The following PTPRD variants were observed in gnomAD, a reference collection of about 807,000 sequenced individuals.
PTPRD encodes the protein protein tyrosine phosphatase receptor type D.
A neutral mutation model predicts 214.5 loss-of-function variants in PTPRD; 34 were observed. The observed-to-expected ratio is 0.16, with a 90% CI of 0.12 to 0.21. PTPRD has a LOEUF of 0.21. Ranked by LOEUF, PTPRD falls within the 10% of genes least tolerant of loss-of-function variation. The probability of loss-of-function intolerance (pLI) is 1.00; values close to 1 mark genes in which losing one functional copy is unlikely to be tolerated. For missense variants in PTPRD, 2,545 were observed against 2,398.7 expected, an observed-to-expected ratio of 1.06 and a Z score of -1.27; for synonymous variants, 1,128 against 845.7, an observed-to-expected ratio of 1.33 and a Z score of -5.79.
chr9:8,547,572 G>A (rs541260166), intron 14 of PTPRD, among the ~76,000 whole-genome samples: 1 of 151,554 alleles, frequency 6.6e-6, no homozygotes, highest in South Asian at 2.1e-4. Flanking sequence ...GGGCCCAGGA[G>A]GTTGAGGCTA....
At position 9,251,017 on chromosome 9, in the gene PTPRD, T is replaced by G. The variant is rs62532748; in HGVS notation, c.-202-67654A>C. Among the ~76,000 whole-genome samples the G allele has an allele frequency of 3.2e-3, 488 of 152,180 alleles. 2 individuals carry two copies. Among genetic ancestry groups the G allele is most frequent in the Non-Finnish European group, 5.0e-3 (340 of 67,984 alleles). ...ATTACATTTGAAATTGACCCTCTTT[T>G]CCATTCCTTCACCATGTTCGCACAC... On this transcript the variant is annotated intron_variant, in intron 9 of 45. Transcript: ENST00000381196.
At chr9:8,640,817 T>C (rs1773562801) in intron 12 of PTPRD, among the ~76,000 whole-genome samples, 1 of 152,184 alleles carries the variant, frequency 6.6e-6, no homozygotes, top group South Asian at 2.1e-4. Flanking sequence ...AAAGGATATA[T>C]GTCATCATCC....
chr9:8,700,378 A>G (rs919626166), intron 12 of PTPRD, among the ~76,000 whole-genome samples: 3 of 152,170 alleles, frequency 2.0e-5, no homozygotes. Flanking sequence ...TTGTCAAACA[A>G]CTGCTTTATC....
At chr9:8,376,873 T>C (rs2083410783) in intron 37 of PTPRD, 147 bp from the exon 38 acceptor site, 4 of 1,043,282 alleles carry the variant, frequency 3.8e-6, no homozygotes, top group South Asian at 1.6e-5. Context: ...TATCCCAATA[T>C]ATGTAAATTA....
chr9:10,056,886 T>C (rs2097661393), intron 3 of PTPRD, among the ~76,000 whole-genome samples: 2 of 152,160 alleles, frequency 1.3e-5, no homozygotes, highest in South Asian at 4.1e-4. Flanking sequence ...CATCTTAAAA[T>C]TTATAAATTG....
At chr9:10,311,081 C>T (rs147042388) in intron 3 of PTPRD, among the ~76,000 whole-genome samples, 12 of 151,842 alleles carry the variant, frequency 7.9e-5, no homozygotes, top group African/African-American at 2.4e-4. Context: ...ATTTATATAC[C>T]GATTTTTTTT....
rs187416784 is a variant in PTPRD at position 8,315,304 on chromosome 9, T to C, written c.*2570A>G. Reference sequence around the variant, plus strand: ...CCCATTCATTTTCTTCTTCTGATTATTGTCATCTTTCCCTTTGCCAAATGG... The same window carrying C: ...CCCATTCATTTTCTTCTTCTGATTACTGTCATCTTTCCCTTTGCCAAATGG... On this transcript the variant is annotated 3_prime_UTR_variant, in exon 46 of 46. Coordinates refer to ENST00000381196, the MANE Select transcript of PTPRD (RefSeq NM_002839.4). 2.2e-3 allele frequency: 504 copies of C among 232,774 alleles called. 3 individuals carry two copies. The highest frequency in any genetic ancestry group is 2.5e-3 in the Non-Finnish European group (288 of 117,448). The allele number at this position is 232,774 out of a possible 1,614,324, so 14.4% of individuals were successfully genotyped here.
rs1283742167 is a variant in PTPRD, at chr9:8,707,391, G to A, written c.64+26389C>T. 2.6e-5 allele frequency among the ~76,000 whole-genome samples: 4 copies of A among 152,288 alleles called. No homozygotes were observed. The South Asian group carries it at 8.3e-4, about 32-fold the overall frequency. Reference sequence around the variant, plus strand: ...ACCAAAGACAGGAACATGCCCTTTTGGTCAGCCAGCTTCTGTGATTTGAGT... The same window carrying A: ...ACCAAAGACAGGAACATGCCCTTTTAGTCAGCCAGCTTCTGTGATTTGAGT... On this transcript the variant is annotated intron_variant, in intron 12 of 45. Transcript: ENST00000381196.
intron 2 of PTPRD, among the ~76,000 whole-genome samples, chr9:10,455,058 C>G (rs189660655): frequency 1.3e-5 from 2 of 151,844 alleles, no homozygotes; most frequent in Admixed American, 6.6e-5. Flanking sequence ...CATACCATCT[C>G]TCAACTAACC....
intron 2 of PTPRD, among the ~76,000 whole-genome samples, chr9:10,605,257 T>C (rs1319285688): frequency 3.3e-5 from 5 of 151,888 alleles, no homozygotes; most frequent in Non-Finnish European, 7.4e-5. Context: ...GCACTTCTGC[T>C]ATTATGCTTT....
chr9:8,372,851 T>C (rs2081972156), intron 39 of PTPRD, among the ~76,000 whole-genome samples: 1 of 152,004 alleles, frequency 6.6e-6, no homozygotes, highest in African/African-American at 2.4e-5. Flanking sequence ...TTTTCTGTAC[T>C]GCACCGCCAG....
rs532425627 is a variant in PTPRD at position 8,805,944 on chromosome 9, G to A, written c.-103-71998C>T. ...CGGGAGGTGGAGCTTGCAGTGAGCC[G>A]AGATTATGCCACTGCACTCCAGCCT... On this transcript the variant is annotated intron_variant, in intron 11 of 45. Coordinates refer to ENST00000381196, the MANE Select transcript of PTPRD (RefSeq NM_002839.4). Among the ~76,000 whole-genome samples, 10 of 141,054 alleles carry A rather than the reference G, an allele frequency of 7.1e-5. No individual in the cohort carries two copies. The East Asian group carries it at 1.2e-3, about 16-fold the overall frequency. 92.5% of individuals were successfully genotyped at this position (141,054 alleles called of 152,430 possible).
At chr9:8,726,803 GAAA>G (rs35672150) in intron 12 of PTPRD, among the ~76,000 whole-genome samples, 27 of 113,304 alleles carry the variant, frequency 2.4e-4, no homozygotes, top group African/African-American at 6.3e-4. Flanking sequence ...TCCATCTCAA[GAAA>G]AAAAAAAAAA....
chr9:9,479,069 G>GT (rs953613538), intron 8 of PTPRD, among the ~76,000 whole-genome samples: 11 of 151,698 alleles, frequency 7.3e-5, no homozygotes, highest in African/African-American at 9.7e-5. Flanking sequence ...TTTTCCTTAT[G>GT]TTTTTTTTCT....
At chr9:8,438,089 G>C (rs1328844048) in intron 34 of PTPRD, among the ~76,000 whole-genome samples, 1 of 152,148 alleles carries the variant, frequency 6.6e-6, no homozygotes, top group Non-Finnish European at 1.5e-5. Flanking sequence ...GCCATGTGTT[G>C]ACATTCTGCT....
chr9:9,345,720 T>C (rs935226176), intron 9 of PTPRD, among the ~76,000 whole-genome samples: 4 of 152,100 alleles, frequency 2.6e-5, no homozygotes, highest in African/African-American at 9.7e-5. Context: ...TAGTATGGTC[T>C]TGGATTACTC....
chr9:8,667,824 A>C (rs924670608), intron 12 of PTPRD, among the ~76,000 whole-genome samples: 1 of 152,190 alleles, frequency 6.6e-6, no homozygotes, highest in Non-Finnish European at 1.5e-5. Context: ...ATTTCAGATA[A>C]GAAATACTCA....
intron 14 of PTPRD, among the ~76,000 whole-genome samples, chr9:8,601,618 T>C (rs770565187): frequency 1.3e-5 from 2 of 152,176 alleles, no homozygotes; most frequent in African/African-American, 4.8e-5. Context: ...AGAACTTTTC[T>C]GGAGCCTATC....
At chr9:9,201,260 T>G in intron 9 of PTPRD, among the ~76,000 whole-genome samples, 1 of 152,170 alleles carries the variant, frequency 6.6e-6, no homozygotes, top group South Asian at 2.1e-4. Flanking sequence ...AATGCTGACT[T>G]AAGTAGAAGG....
Sources: gnomAD v4.1 joint callset for allele counts (sites outside exome capture counted in the v4.1 genomes callset) on GRCh38, gnomAD v4.1.1 for gene constraint, MANE v1.5 for transcripts, NCBI Gene and HGNC (gene_info 2026-07-23, HGNC 2026-07-21) for gene names.